Variants in SEPTIN14 observed in about 807,000 individuals in gnomAD.
The protein encoded by SEPTIN14 is septin-14.
A neutral mutation model predicts 53.6 loss-of-function variants in SEPTIN14; 40 were observed. The observed-to-expected ratio is 0.75, with a 90% CI of 0.58 to 0.97. SEPTIN14 has a LOEUF of 0.97. SEPTIN14 is among the 50% of genes least tolerant of loss of function. SEPTIN14 has a pLI of 0.00. For synonymous variants in SEPTIN14, 138 were observed against 166.8 expected (o/e 0.83, Z 1.33); for missense variants, 471 against 508.2 (o/e 0.93, Z 0.70).
chr7:55,832,849 CAA>C (rs887093590), intron 6 of SEPTIN14, among the ~76,000 whole-genome samples: 1 of 145,050 alleles, frequency 6.9e-6, no homozygotes, highest in Non-Finnish European at 1.5e-5. Flanking sequence ...GATCATGTCT[CAA>C]AAAAAAAATG....
At chr7:55,818,039 A>G (rs1163553801) in intron 7 of SEPTIN14, among the ~76,000 whole-genome samples, 2 of 152,184 alleles carry the variant, frequency 1.3e-5, no homozygotes, top group Non-Finnish European at 2.9e-5. Flanking sequence ...CTGTGACCAA[A>G]TTTTATGTAT....
intron 7 of SEPTIN14, chr7:55,811,097 C>G (rs1358602744): frequency 2.1e-6 from 1 of 468,998 alleles, no homozygotes; most frequent in African/African-American, 2.0e-5. Flanking sequence ...CAGCAGATGT[C>G]AGGGGTGTTT....
intron 2 of SEPTIN14, among the ~76,000 whole-genome samples, chr7:55,851,272 C>T (rs1416198657): frequency 6.6e-6 from 1 of 152,140 alleles, no homozygotes; most frequent in Non-Finnish European, 1.5e-5. Flanking sequence ...ACATTTCTGA[C>T]ATCCCTAAAA....
At chr7:55,832,871 G>A (rs1203727195) in intron 6 of SEPTIN14, among the ~76,000 whole-genome samples, 1 of 151,208 alleles carries the variant, frequency 6.6e-6, no homozygotes, top group Non-Finnish European at 1.5e-5. Context: ...GATCTGTTGG[G>A]TACAATATTT....
At chr7:55,862,270 C>G (rs890396503) in intron 1 of SEPTIN14, among the ~76,000 whole-genome samples, 4 of 151,982 alleles carry the variant, frequency 2.6e-5, no homozygotes, top group Admixed American at 1.3e-4. Flanking sequence ...AAGTTAAACT[C>G]CCTTTGGAAA....
In SEPTIN14 at chr7:55,844,716, C is replaced by T. The variant is rs1789371514; in HGVS notation, c.178G>A (p.Glu60Lys). The T allele has an allele frequency of 1.3e-6, 2 of 1,555,326 alleles. No individual in the cohort carries two copies. Among genetic ancestry groups the T allele is most frequent in the African/African-American group, 2.7e-5 (2 of 73,932 alleles). ...GFTFNILCVG[E>K]TGIGKSTLID... Reference sequence around the variant, plus strand: ...AGTGTCGATTTTCCAATTCCAGTCTCCCCTGTAATAGACATAGAGTCATTG... The same window carrying T: ...AGTGTCGATTTTCCAATTCCAGTCTTCCCTGTAATAGACATAGAGTCATTG... The change falls in exon 4 of 10, where the codon GAG becomes AAG. Residue 60 changes from glutamate (E) to lysine (K), a missense_variant and splice_region_variant. Glu to Lys is a moderately conservative substitution (Grantham distance 56, BLOSUM62 1). Coordinates refer to ENST00000388975, the MANE Select transcript of SEPTIN14 (RefSeq NM_207366.3).
intron 6 of SEPTIN14, among the ~76,000 whole-genome samples, chr7:55,827,303 G>A (rs116895654): frequency 3.7e-4 from 56 of 152,328 alleles, no homozygotes; most frequent in Non-Finnish European, 6.2e-4. Context: ...GAACAGGCAA[G>A]CCACAGGGCT....
At chr7:55,803,182 C>CCCACCT (rs1213361101) in intron 9 of SEPTIN14, among the ~76,000 whole-genome samples, 1 of 152,168 alleles carries the variant, frequency 6.6e-6, no homozygotes, top group Admixed American at 6.6e-5. Context: ...AAATGATCCG[C>CCCACCT]CCACCTCCAC....
chr7:55,806,829 T>C (rs1788617357), intron 8 of SEPTIN14, among the ~76,000 whole-genome samples: 1 of 151,998 alleles, frequency 6.6e-6, no homozygotes. Context: ...AAATACTGGG[T>C]TTTTTCATCA....
chr7:55,844,523 C>G lies in SEPTIN14; in HGVS notation c.371G>C (p.Ser124Thr). 2 of 1,449,530 alleles carry G rather than the reference C, an allele frequency of 1.4e-6. No individual in the cohort carries two copies. Among genetic ancestry groups the G allele is most frequent in the Admixed American group, 4.1e-5 (2 of 48,350 alleles). 89.8% of individuals were successfully genotyped at this position (1,449,530 alleles called of 1,614,324 possible). A position where few individuals can be genotyped will look rare whatever the true frequency, so the allele number is the denominator to read the frequency against. Residue 124 changes from serine (S) to threonine (T), a missense_variant and splice_region_variant, in exon 4 of 10, where the codon AGC (serine) becomes ACC (threonine). By Grantham distance (58) the Ser-to-Thr change is moderately conservative. Coordinates refer to ENST00000388975, the MANE Select transcript of SEPTIN14 (RefSeq NM_207366.3). ...TTAATTTAAATAAGAAAACACTCAC[C>G]TGGCTTCTTTGTCTATTTGATCACC... ...GYGDQIDKEA[S>T]YQPIVDYIDA...
At chr7:55,799,542 A>G (rs13227647) in intron 9 of SEPTIN14, among the ~76,000 whole-genome samples, 3 of 148,782 alleles carry the variant, frequency 2.0e-5, no homozygotes, top group Admixed American at 6.7e-5. Flanking sequence ...AAAAAAAAAA[A>G]GGAAAAAGAA....
chr7:55,794,854 T>C lies in SEPTIN14; in HGVS notation c.*1059A>G, dbSNP rs1481028291. On this transcript the variant is annotated 3_prime_UTR_variant, in exon 10 of 10. Coordinates refer to ENST00000388975, the MANE Select transcript of SEPTIN14 (RefSeq NM_207366.3). The stretch of plus-strand genomic sequence containing the variant: ...TTAGTAGAGATGGGGTTTCGTCATG[T>C]TGGCCGGGCTGTTCTCAAGCTCCTG... 1 of 152,210 alleles carries C rather than the reference T, an allele frequency of 6.6e-6. No individual in the cohort carries two copies. Among genetic ancestry groups the C allele is most frequent in the African/African-American group, 2.4e-5 (1 of 41,450 alleles). The allele number at this position is 152,210 out of a possible 1,614,324, so 9.4% of individuals were successfully genotyped here.
intron 2 of SEPTIN14, among the ~76,000 whole-genome samples, chr7:55,860,466 T>C (rs909937419): frequency 1.3e-5 from 2 of 152,146 alleles, no homozygotes; most frequent in African/African-American, 4.8e-5. Context: ...TGATGTTCTA[T>C]AGCAGAGTAG....
Position 55,846,517 on chromosome 7 carries a change from C to A in SEPTIN14, c.175G>T (p.Gly59Trp), listed in dbSNP as rs1186926318. The change falls in exon 3 of 10, where the codon GGG becomes TGG. Residue 59 changes from glycine (G) to tryptophan (W), a missense_variant and splice_region_variant. Physicochemically the swap from Gly to Trp is radical, Grantham distance 184. Transcript: ENST00000388975. ...QGFTFNILCV[G>W]ETGIGKSTLI... ...TTCAAATGAGGTGTTTGACACTTACCCACACAGAGAATATTAAAAGTGAAT... is the reference window on the plus strand; with the variant it reads ...TTCAAATGAGGTGTTTGACACTTACACACACAGAGAATATTAAAAGTGAAT... 1.3e-6 allele frequency: 2 copies of A among 1,577,508 alleles called. No homozygotes were observed. Among genetic ancestry groups the A allele is most frequent in the Non-Finnish European group, 1.7e-6 (2 of 1,165,604 alleles).
intron 7 of SEPTIN14, chr7:55,811,351 G>C: frequency 2.0e-6 from 1 of 504,560 alleles, no homozygotes. Context: ...AAGGAGGCGA[G>C]CTTCCACCTC....
At chr7:55,819,522 G>A (rs945208454) in intron 6 of SEPTIN14, among the ~76,000 whole-genome samples, 1 of 152,068 alleles carries the variant, frequency 6.6e-6, no homozygotes, top group African/African-American at 2.4e-5. Flanking sequence ...CCGGAAGGTG[G>A]AGCTTGCAGT....
chr7:55,803,968 CA>C (rs201874545), intron 9 of SEPTIN14, among the ~76,000 whole-genome samples: 45,496 of 114,874 alleles, frequency 0.4, 7,492 homozygotes, highest in Middle Eastern at 0.47. Context: ...ACTAAAAATA[CA>C]AAAAAAAAAA....
At chr7:55,810,604 G>T (rs906172479) in intron 7 of SEPTIN14, among the ~76,000 whole-genome samples, 2 of 150,510 alleles carry the variant, frequency 1.3e-5, no homozygotes, top group South Asian at 2.1e-4. Flanking sequence ...CCTCCCTCCC[G>T]AGTAGCTGGG....
intron 9 of SEPTIN14, among the ~76,000 whole-genome samples, chr7:55,800,988 A>T (rs1419793473): frequency 2.0e-5 from 3 of 152,188 alleles, no homozygotes; most frequent in Non-Finnish European, 2.9e-5. Flanking sequence ...ATTAAAAATT[A>T]AAAAATATAC....
Sources: allele counts gnomAD v4.1 joint callset (sites outside exome capture counted in the v4.1 genomes callset), GRCh38; gene constraint gnomAD v4.1.1; transcripts MANE v1.5; gene names NCBI Gene and HGNC (gene_info 2026-07-23, HGNC 2026-07-21).